Variants in DCAF6 observed in about 807,000 individuals in gnomAD.
The protein encoded by DCAF6 is DDB1- and CUL4-associated factor 6.
A neutral mutation model predicts 125.1 loss-of-function variants in DCAF6; 54 were observed. The observed-to-expected ratio is 0.43, with a 90% CI of 0.35 to 0.54. The LOEUF (loss-of-function observed/expected upper bound fraction) is 0.54, where lower values mean the gene tolerates loss of function less well. Among genes scored for constraint, DCAF6 ranks in the 20% least tolerant of loss-of-function variants. The pLI, the probability that DCAF6 is intolerant of heterozygous loss-of-function variation, is 0.01. For missense variants in DCAF6, 934 were observed against 1,161.7 expected (o/e 0.80, Z 2.85); for synonymous variants, 371 against 390.4 (o/e 0.95, Z 0.58).
At chr1:168,040,818 A>G (rs1558015911) in intron 13 of DCAF6, among the ~76,000 whole-genome samples, 2 of 148,744 alleles carry the variant, frequency 1.3e-5, no homozygotes, top group Admixed American at 6.8e-5. Context: ...TCATTCATCA[A>G]TTTCTTATTT....
the DCAF6 span, among the ~76,000 whole-genome samples, chr1:167,885,299 G>A: frequency 2.0e-5 from 3 of 152,132 alleles, no homozygotes; most frequent in East Asian, 1.9e-4. Context: ...TTTTGAGTAT[G>A]TATCTAGGAG....
chr1:168,019,897 A>T (rs1262457935), intron 11 of DCAF6: 1 of 158,234 alleles, frequency 6.3e-6, no homozygotes, highest in Non-Finnish European at 1.4e-5. Context: ...CACTTCTCAG[A>T]TGGATGCATT....
chr1:167,974,316 TC>T (rs1677806956), intron 3 of DCAF6, among the ~76,000 whole-genome samples: 1 of 152,196 alleles, frequency 6.6e-6, no homozygotes, highest in Admixed American at 6.5e-5. Context: ...TATTAAAATA[TC>T]AATTTTAAAC....
At chr1:168,006,940 T>A (rs1304640499) in intron 10 of DCAF6, among the ~76,000 whole-genome samples, 1 of 152,198 alleles carries the variant, frequency 6.6e-6, no homozygotes, top group East Asian at 1.9e-4. Flanking sequence ...TGAATGATAA[T>A]GAAGAAAGTT....
At chr1:167,898,847 T>C in the DCAF6 span, among the ~76,000 whole-genome samples, 1 of 152,148 alleles carries the variant, frequency 6.6e-6, no homozygotes. Flanking sequence ...CACACCTTTC[T>C]TCCACTTTCA....
At chr1:168,066,962 T>G (rs947281762) in intron 20 of DCAF6, among the ~76,000 whole-genome samples, 4 of 152,186 alleles carry the variant, frequency 2.6e-5, no homozygotes, top group Non-Finnish European at 5.9e-5. Flanking sequence ...ATTTTAAGAT[T>G]TTTTTAAGCC....
At chr1:168,070,205 T>C (rs1692850804) in intron 21 of DCAF6, among the ~76,000 whole-genome samples, 1 of 152,096 alleles carries the variant, frequency 6.6e-6, no homozygotes, top group African/African-American at 2.4e-5. Flanking sequence ...TCTAGTTGGT[T>C]TAGTCAGCTT....
Position 167,987,528 on chromosome 1 carries a change from C to G in DCAF6, c.472C>G (p.Leu158Val), listed in dbSNP as rs1680186601. Residue 158 changes from leucine to valine, a missense_variant, in exon 5 of 22, where the codon CTC (leucine) becomes GTC (valine). Transcript: ENST00000367840. ...TGTACCCAATGACCCTTACACTTTT[C>G]TCTCTTGTGGTGAAGATGGAACTGT... is the stretch of plus-strand genomic sequence containing the variant. ...MTVPNDPYTF[L>V]SCGEDGTVRW... 1 of 1,604,148 alleles carries G rather than the reference C, an allele frequency of 6.2e-7. No homozygotes were observed. The highest frequency in any genetic ancestry group is 8.5e-7 in the Non-Finnish European group (1 of 1,173,182).
At chr1:167,980,802 G>C (rs1391538260) in intron 4 of DCAF6, among the ~76,000 whole-genome samples, 1 of 150,896 alleles carries the variant, frequency 6.6e-6, no homozygotes, top group Non-Finnish European at 1.5e-5. Flanking sequence ...TTTTTACCCT[G>C]TTAAGTTTGA....
At chr1:167,919,611 G>C in the DCAF6 span, among the ~76,000 whole-genome samples, 1 of 152,010 alleles carries the variant, frequency 6.6e-6, no homozygotes, top group South Asian at 2.1e-4. Flanking sequence ...AGTGATAAAA[G>C]GTTTACATAA....
At chr1:167,867,301 G>A in the DCAF6 span, among the ~76,000 whole-genome samples, 7 of 152,220 alleles carry the variant, frequency 4.6e-5, no homozygotes, top group African/African-American at 1.4e-4. Context: ...AGTCACACCC[G>A]GAAGCTGACT....
chr1:168,023,742 G>C (rs1313677256), intron 12 of DCAF6: 1 of 152,242 alleles, frequency 6.6e-6, no homozygotes, highest in Non-Finnish European at 1.5e-5. Flanking sequence ...AGGGACATCT[G>C]AAAAGGCTGG....
the DCAF6 span, chr1:167,901,525 T>C: frequency 1.1e-6 from 1 of 903,464 alleles, no homozygotes; most frequent in Non-Finnish European, 1.8e-6. Flanking sequence ...ACATTCTGAT[T>C]GTCCTGATGC....
chr1:167,871,067 G>GT, the DCAF6 span, among the ~76,000 whole-genome samples: 16 of 150,320 alleles, frequency 1.1e-4, no homozygotes, highest in South Asian at 2.1e-4. Flanking sequence ...CCTAAAGCTT[G>GT]TTTTTTTTTG....
intron 2 of DCAF6, among the ~76,000 whole-genome samples, chr1:167,953,532 C>T (rs545433583): frequency 1.1e-4 from 17 of 152,278 alleles, no homozygotes; most frequent in African/African-American, 4.1e-4. Context: ...ACAGGAATGC[C>T]TGAAACAGAT....
At chr1:167,975,357 C>T (rs944506396) in intron 4 of DCAF6, among the ~76,000 whole-genome samples, 37 of 152,156 alleles carry the variant, frequency 2.4e-4, no homozygotes, top group African/African-American at 8.4e-4. Flanking sequence ...TTTAAACAAT[C>T]GCTTGCTTGT....
In DCAF6 at chr1:167,993,271, T is replaced by C. The variant is rs1460368773; in HGVS notation, c.734T>C (p.Ile245Thr). ...RGTTGMVARF[I>T]PSHLNNKSCR... Reference sequence around the variant, plus strand: ...ACTACTGGAATGGTTGCCCGTTTTATTCCTTCCCATCTTAATAATAAGTCC... The same window carrying C: ...ACTACTGGAATGGTTGCCCGTTTTACTCCTTCCCATCTTAATAATAAGTCC... The change falls in exon 7 of 22, where the codon ATT becomes ACT. Residue 245 changes from isoleucine (I) to threonine (T), a missense_variant. Ile to Thr is a moderately conservative substitution (Grantham distance 89). Transcript: ENST00000367840. 6.2e-7 allele frequency: 1 copy of C among 1,614,048 alleles called. No homozygotes were observed. Among genetic ancestry groups the C allele is most frequent in the Non-Finnish European group, 8.5e-7 (1 of 1,180,000 alleles).
intron 21 of DCAF6, among the ~76,000 whole-genome samples, chr1:168,074,025 A>G (rs1411078896): frequency 1.3e-5 from 2 of 150,880 alleles, no homozygotes; most frequent in Admixed American, 6.6e-5. Context: ...TTTATAGATC[A>G]GTAAGGAATT....
intron 20 of DCAF6, among the ~76,000 whole-genome samples, chr1:168,067,819 A>G (rs928024533): frequency 9.2e-5 from 14 of 151,794 alleles, no homozygotes; most frequent in Admixed American, 3.3e-4. Context: ...TCATGGTTAC[A>G]TATTGCATCT....
Sources: gnomAD v4.1 joint callset for allele counts (sites outside exome capture counted in the v4.1 genomes callset) on GRCh38, gnomAD v4.1.1 for gene constraint, MANE v1.5 for transcripts, NCBI Gene and HGNC (gene_info 2026-07-23, HGNC 2026-07-21) for gene names.